The following TTC34 variants were observed in gnomAD, a reference collection of about 807,000 sequenced individuals.
TTC34 encodes tetratricopeptide repeat protein 34.
TTC34 carries 44 observed loss-of-function variants against 40.7 expected under a neutral mutation model. That is an observed-to-expected ratio of 1.08 (90% confidence interval 0.85 to 1.39). TTC34 has a LOEUF of 1.39. Among genes scored for constraint, TTC34 ranks in the 40% most tolerant of loss-of-function variants. The pLI is 0.00. For synonymous variants in TTC34, 422 were observed against 398.6 expected, an observed-to-expected ratio of 1.06 and a Z score of -0.70; for missense variants, 884 against 838.0, an observed-to-expected ratio of 1.05 and a Z score of -0.68.
chr1:2,699,032 T>C (rs1318705853), intron 6 of TTC34, among the ~76,000 whole-genome samples: 15 of 117,074 alleles, frequency 1.3e-4, no homozygotes, highest in African/African-American at 2.8e-4. Flanking sequence ...CATCTGATGG[T>C]CTGGAGAAGC....
intron 6 of TTC34, among the ~76,000 whole-genome samples, chr1:2,777,109 A>T (rs74210933): frequency 3.1e-5 from 2 of 63,616 alleles, no homozygotes; most frequent in African/African-American, 1.4e-4. Flanking sequence ...AGCACCTGAC[A>T]GCCTGGAACA....
chr1:2,772,935 T>C (rs75300036), intron 6 of TTC34, among the ~76,000 whole-genome samples: 126 of 23,834 alleles, frequency 5.3e-3, no homozygotes, highest in East Asian at 6.9e-3. Context: ...ACAGCACCCA[T>C]ACCCCCAGGC....
At chr1:2,685,134 G>T (rs182569778) in intron 6 of TTC34, among the ~76,000 whole-genome samples, 793 of 12,248 alleles carry the variant, frequency 0.065, 3 homozygotes, top group East Asian at 0.089. Context: ...GGCGAGCATC[G>T]GACGGCCTGG....
exon 9 of TTC34, chr1:2,641,457 C>A: frequency 6.5e-7 from 1 of 1,535,582 alleles, no homozygotes. Flanking sequence ...ACCAGGAGGC[C>A]GCTCTCTACC....
chr1:2,795,435 G>C (rs995550308), intron 2 of TTC34, among the ~76,000 whole-genome samples: 2 of 152,186 alleles, frequency 1.3e-5, no homozygotes, highest in African/African-American at 2.4e-5. Flanking sequence ...GGTGATGGCT[G>C]TCAGCTGAGC....
At chr1:2,649,354 ACC>A (rs1639080754) in intron 6 of TTC34, among the ~76,000 whole-genome samples, 1 of 151,456 alleles carries the variant, frequency 6.6e-6, no homozygotes, top group Admixed American at 6.6e-5. Flanking sequence ...CTAGAACGGC[ACC>A]CCCCAGTTAG....
exon 9 of TTC34, chr1:2,638,896 G>C (rs1638842647): frequency 6.6e-6 from 1 of 152,306 alleles, no homozygotes; most frequent in African/African-American, 2.4e-5. Context: ...GAATAGCAGA[G>C]ACAGGTGGTT....
At chr1:2,646,250 C>G (rs960608234) in intron 6 of TTC34, among the ~76,000 whole-genome samples, 1 of 152,198 alleles carries the variant, frequency 6.6e-6, no homozygotes, top group African/African-American at 2.4e-5. Context: ...AGTCTATGTA[C>G]AGTTAATATG....
chr1:2,754,769 G>T (rs1398711365), intron 6 of TTC34, among the ~76,000 whole-genome samples: 1 of 120,294 alleles, frequency 8.3e-6, no homozygotes, highest in Non-Finnish European at 1.7e-5. Flanking sequence ...GTCTGGAGCA[G>T]CACCCACACC....
chr1:2,782,602 T>C (rs918306060), intron 6 of TTC34, among the ~76,000 whole-genome samples: 3 of 152,236 alleles, frequency 2.0e-5, no homozygotes, highest in Admixed American at 2.0e-4. Flanking sequence ...CTTTCTTGTT[T>C]TTTAATGGAA....
intron 6 of TTC34, among the ~76,000 whole-genome samples, chr1:2,752,945 G>A (rs1326479769): frequency 1.7e-4 from 24 of 141,770 alleles, no homozygotes; most frequent in Non-Finnish European, 2.3e-4. Context: ...CCCCAGGTGA[G>A]CATCCGATAG....
At chr1:2,787,387 G>A (rs1166592733) in intron 4 of TTC34, 94 bp downstream of exon 4, 1 of 1,188,782 alleles carries the variant, frequency 8.4e-7, no homozygotes, top group Non-Finnish European at 1.1e-6. Flanking sequence ...AGCCCAGACT[G>A]TGGGGTCCAG....
At chr1:2,792,969 C>T (rs1350368127) in intron 2 of TTC34, among the ~76,000 whole-genome samples, 1 of 152,208 alleles carries the variant, frequency 6.6e-6, no homozygotes, top group Non-Finnish European at 1.5e-5. Context: ...GAATCCATGC[C>T]TTCAAATAGT....
At position 2,756,010 on chromosome 1, in the gene TTC34, A is replaced by G. The variant is rs1169287184; in HGVS notation, c.2226+27599T>C. On this transcript the variant is annotated intron_variant, in intron 6 of 8. Coordinates refer to ENST00000401095, the Ensembl canonical transcript of TTC34. ...ACCCAGGTGAGCATCTGACACCCTGAAACAGCACACACACCCCCAGGCGAG... is the reference window on the plus strand; with the variant it reads ...ACCCAGGTGAGCATCTGACACCCTGGAACAGCACACACACCCCCAGGCGAG... Among the ~76,000 whole-genome samples the G allele has an allele frequency of 6.4e-3, 320 of 49,690 alleles. 10 individuals are homozygous for G. The highest frequency in any genetic ancestry group is 0.016 in the Middle Eastern group (1 of 62). 32.6% of individuals were successfully genotyped at this position (49,690 alleles called of 152,430 possible).
intron 6 of TTC34, among the ~76,000 whole-genome samples, chr1:2,773,217 C>T (rs1642587499): frequency 1.5e-5 from 2 of 130,622 alleles, no homozygotes; most frequent in African/African-American, 2.7e-5. Context: ...AGCGCCCACA[C>T]CCCCGGGCGA....
chr1:2,753,399 T>C (rs1184256518), intron 6 of TTC34, among the ~76,000 whole-genome samples: 6 of 127,386 alleles, frequency 4.7e-5, no homozygotes, highest in Non-Finnish European at 9.7e-5. Context: ...TCTGACAGCA[T>C]GTAACAGCAC....
At chr1:2,789,158 G>T (rs1392894727) in intron 3 of TTC34, among the ~76,000 whole-genome samples, 1 of 152,210 alleles carries the variant, frequency 6.6e-6, no homozygotes, top group Non-Finnish European at 1.5e-5. Context: ...GCAGGTCGGG[G>T]CGGTGCTGCC....
At chr1:2,641,848 C>G (rs1287368722) in exon 9 of TTC34, 1 of 1,517,174 alleles carries the variant, frequency 6.6e-7, no homozygotes, top group Non-Finnish European at 8.8e-7. Flanking sequence ...CCAGCGCCTG[C>G]CTGGGTTGCC....
In TTC34 at chr1:2,641,211, TGGGAA is replaced by T. The variant is rs1638894174; in HGVS notation, c.*152_*156del. 1.3e-5 allele frequency: 6 copies of T among 476,786 alleles called. No homozygotes were observed. The East Asian group carries it at 2.7e-4, about 21-fold the overall frequency. The allele number at this position is 476,786 out of a possible 1,614,324, so 29.5% of individuals were successfully genotyped here. ...TGGGAAGGGGGGTTGTGGGGAGGGT[TGGGAA>T]GGGGTGTGTGGGGAGGGCTGGGAAG... On this transcript the variant is annotated 3_prime_UTR_variant, in exon 9 of 9. Transcript: ENST00000401095.
Sources: allele counts gnomAD v4.1 joint callset (sites outside exome capture counted in the v4.1 genomes callset), GRCh38; gene constraint gnomAD v4.1.1; transcripts MANE v1.5; gene names NCBI Gene and HGNC (gene_info 2026-07-23, HGNC 2026-07-21).